The following SPANXN2 variants were observed in gnomAD, a reference collection of about 807,000 sequenced individuals.
SPANXN2 encodes the protein sperm protein associated with the nucleus on the X chromosome N2.
A neutral mutation model predicts 2.0 loss-of-function variants in SPANXN2; 1 was observed. The ratio of observed to expected loss-of-function variants is 0.50; its 90% CI spans 0.18 to 2.36. The LOEUF (loss-of-function observed/expected upper bound fraction) is 2.36. SPANXN2 is among the 30% of genes most tolerant of loss of function. SPANXN2 has a pLI of 0.26. For synonymous variants in SPANXN2, 43 were observed against 49.8 expected, an observed-to-expected ratio of 0.86 and a Z score of 0.58; for missense variants, 88 against 116.7, an observed-to-expected ratio of 0.75 and a Z score of 1.13.
intron 1 of SPANXN2, among the ~76,000 whole-genome samples, chrX:143,718,794 G>C (rs1201902828): frequency 9.0e-6 from 1 of 111,153 alleles, no homozygotes; most frequent in East Asian, 2.9e-4. Context: ...AAGGAGATAT[G>C]ACTTCAGGGC....
At chrX:143,712,430 G>A (rs111386622) in exon 2 of SPANXN2, 1,177 of 1,211,083 alleles carry the variant, frequency 9.7e-4, no homozygotes, top group Non-Finnish European at 1.1e-3. Context: ...ATTATTGTTA[G>A]ATATTCTATT....
In SPANXN2 at chrX:143,720,530, G is replaced by A. The variant is rs1263552587; in HGVS notation, c.78+61C>T. On this transcript the variant is annotated intron_variant, in intron 1 of 1. Coordinates refer to ENST00000598475, the Ensembl canonical transcript of SPANXN2. The stretch of plus-strand genomic sequence containing the variant: ...GTATTCCTGTGTTGCTGTTTGAGCC[G>A]TCCCTTCTCTGTGTGTCTTTCTTTC... 9,322 of 1,142,975 alleles carry A rather than the reference G, an allele frequency of 8.2e-3. 317 individuals carry two copies. In the African/African-American group the frequency reaches 0.11, roughly 13 times the overall value. The allele number at this position is 1,142,975 out of a possible 1,213,427, so 94.2% of individuals were successfully genotyped here.
intron 1 of SPANXN2, among the ~76,000 whole-genome samples, chrX:143,715,345 G>A (rs1371972332): frequency 1.4e-4 from 15 of 110,009 alleles, no homozygotes; most frequent in African/African-American, 2.7e-4. Context: ...AACCTATTCA[G>A]CAGCCCCCTT....
intron 1 of SPANXN2, among the ~76,000 whole-genome samples, chrX:143,719,956 A>C (rs1367879230): frequency 9.1e-6 from 1 of 110,255 alleles, no homozygotes; most frequent in Non-Finnish European, 1.9e-5. Context: ...CCAGCAACAC[A>C]TTGATACCAT....
At chrX:143,718,305 G>A (rs1372863381) in intron 1 of SPANXN2, among the ~76,000 whole-genome samples, 5 of 110,824 alleles carry the variant, frequency 4.5e-5, no homozygotes, top group East Asian at 2.8e-4. Context: ...ATACTTGGCC[G>A]GCGTTACACC....
chrX:143,713,439 C>T (rs1374797769), intron 1 of SPANXN2, among the ~76,000 whole-genome samples: 2 of 111,855 alleles, frequency 1.8e-5, no homozygotes, highest in African/African-American at 6.5e-5. Flanking sequence ...GTGAGTCTCC[C>T]TCTTCCTCCT....
chrX:143,712,103 C>T (rs782138845), exon 2 of SPANXN2: 1 of 1,210,692 alleles, frequency 8.3e-7, no homozygotes. Flanking sequence ...TGTGAAGATC[C>T]TTCAGGTGGG....
At chrX:143,715,259 C>T (rs782386959) in intron 1 of SPANXN2, among the ~76,000 whole-genome samples, 4 of 108,692 alleles carry the variant, frequency 3.7e-5, no homozygotes, top group Non-Finnish European at 5.7e-5. Flanking sequence ...TATTCTAGAC[C>T]CTTTTTCTGT....
intron 1 of SPANXN2, 123 bp downstream of exon 1, chrX:143,720,468 G>A: frequency 6.6e-6 from 5 of 752,119 alleles, no homozygotes; most frequent in Non-Finnish European, 9.6e-6. Flanking sequence ...GTGGGTTCTG[G>A]CATTAAGCGG....
intron 1 of SPANXN2, 124 bp from the exon 2 acceptor site, chrX:143,712,623 A>G: frequency 1.6e-6 from 1 of 627,858 alleles, no homozygotes; most frequent in Non-Finnish European, 2.5e-6. Context: ...GCCAGAGAAG[A>G]ACAAGGTGGA....
intron 1 of SPANXN2, among the ~76,000 whole-genome samples, chrX:143,713,967 G>A (rs1418733770): frequency 9.5e-6 from 1 of 105,216 alleles, no homozygotes; most frequent in Non-Finnish European, 1.9e-5. Context: ...CCTCCTCAAG[G>A]AGAAACCCCC....
At chrX:143,715,488 C>T (rs1372310051) in intron 1 of SPANXN2, among the ~76,000 whole-genome samples, 3 of 109,920 alleles carry the variant, frequency 2.7e-5, no homozygotes, top group Non-Finnish European at 3.8e-5. Context: ...GACACCCAAA[C>T]GCTTCCCTCT....
chrX:143,713,108 C>T (rs1227255166), intron 1 of SPANXN2, among the ~76,000 whole-genome samples: 1 of 111,200 alleles, frequency 9.0e-6, no homozygotes, highest in Admixed American at 9.5e-5. Context: ...TTTCTTTCAT[C>T]CTTGCCTTCC....
intron 1 of SPANXN2, among the ~76,000 whole-genome samples, chrX:143,715,758 A>G (rs1932249735): frequency 9.2e-6 from 1 of 108,977 alleles, no homozygotes; most frequent in African/African-American, 3.3e-5. Context: ...CTGGCTTTCC[A>G]AAAGACAGAC....
intron 1 of SPANXN2, among the ~76,000 whole-genome samples, chrX:143,718,747 G>C (rs73566166): frequency 0.039 from 4,357 of 111,113 alleles, 237 homozygotes; most frequent in African/African-American, 0.14. Context: ...CCTTCCCCAT[G>C]ACCCTGAATA....
At chrX:143,718,069 A>C (rs1408224400) in intron 1 of SPANXN2, among the ~76,000 whole-genome samples, 1 of 111,459 alleles carries the variant, frequency 9.0e-6, no homozygotes, top group Non-Finnish European at 1.9e-5. Context: ...TGGGCTTTCC[A>C]TATTCCTTAC....
chrX:143,712,116 C>A (rs187432087), exon 2 of SPANXN2: 1 of 1,208,404 alleles, frequency 8.3e-7, no homozygotes, highest in East Asian at 3.0e-5. Flanking sequence ...CAGGTGGGTC[C>A]AGGTCTTCGT....
intron 1 of SPANXN2, among the ~76,000 whole-genome samples, chrX:143,716,789 T>C (rs184142260): frequency 2.0e-3 from 225 of 112,227 alleles, no homozygotes; most frequent in South Asian, 0.016. Flanking sequence ...CTTCCCATTA[T>C]CTACAGGACC....
chrX:143,711,998 A>G, exon 2 of SPANXN2: 1 of 1,210,521 alleles, frequency 8.3e-7, no homozygotes, highest in Non-Finnish European at 1.1e-6. Context: ...CGCCATTGGT[A>G]GTGAGGATTT....
Sources: gnomAD v4.1 joint callset for allele counts (sites outside exome capture counted in the v4.1 genomes callset) on GRCh38, gnomAD v4.1.1 for gene constraint, MANE v1.5 for transcripts, NCBI Gene and HGNC (gene_info 2026-07-23, HGNC 2026-07-21) for gene names.